ZSCAN26: variants seen among roughly 807,000 people sequenced by gnomAD.
ZSCAN26 encodes the protein zinc finger and SCAN domain containing 26.
ZSCAN26 carries 26 observed loss-of-function variants against 23.0 expected under a neutral mutation model. That is an observed-to-expected ratio of 1.13 (90% confidence interval 0.83 to 1.57). ZSCAN26 has a LOEUF of 1.57. Ranked by LOEUF, ZSCAN26 falls within the 40% of genes most tolerant of loss-of-function variation. ZSCAN26 has a pLI of 0.00. For missense variants in ZSCAN26, 528 were observed against 568.5 expected, an observed-to-expected ratio of 0.93 and a Z score of 0.72; for synonymous variants, 180 against 202.5, an observed-to-expected ratio of 0.89 and a Z score of 0.94.
chr6:28,270,753 T>C (rs1452532850), intron 1 of ZSCAN26, among the ~76,000 whole-genome samples: 1 of 152,244 alleles, frequency 6.6e-6, no homozygotes, highest in East Asian at 1.9e-4. Flanking sequence ...CTCCATTTTC[T>C]CATTTCCTAT....
chr6:28,274,378 C>T (rs2113723938), intron 3 of ZSCAN26, among the ~76,000 whole-genome samples: 1 of 152,258 alleles, frequency 6.6e-6, no homozygotes, highest in South Asian at 2.1e-4. Context: ...AGGGGCCTAC[C>T]TTTTCTCAAT....
chr6:28,268,693 G>T (rs576341624), intron 1 of ZSCAN26, among the ~76,000 whole-genome samples: 1 of 152,216 alleles, frequency 6.6e-6, no homozygotes, highest in African/African-American at 2.4e-5. Flanking sequence ...AGGAAGGAAT[G>T]GTCAGTTTTC....
At chr6:28,275,668 G>A (rs1055978866) in intron 3 of ZSCAN26, among the ~76,000 whole-genome samples, 23 of 152,154 alleles carry the variant, frequency 1.5e-4, no homozygotes, top group African/African-American at 5.1e-4. Context: ...TTATTGTCAA[G>A]GTCTTATAGT....
chr6:28,268,176 G>A (rs1048943390), intron 1 of ZSCAN26, among the ~76,000 whole-genome samples: 2 of 152,046 alleles, frequency 1.3e-5, no homozygotes, highest in African/African-American at 2.4e-5. Context: ...TCTTTATAGG[G>A]TTGTGTGAGG....
intron 3 of ZSCAN26, 91 bp downstream of exon 3, chr6:28,272,878 T>C: frequency 9.2e-7 from 1 of 1,083,094 alleles, no homozygotes; most frequent in Non-Finnish European, 1.3e-6. Context: ...TATTTTGTTT[T>C]TTGCTTTTGT....
Position 28,276,478 on chromosome 6 carries a change from G to C in ZSCAN26, c.822G>C (p.Lys274Asn). 1.2e-6 allele frequency: 2 copies of C among 1,613,996 alleles called. No individual in the cohort carries two copies. The highest frequency in any genetic ancestry group is 1.7e-6 in the Non-Finnish European group (2 of 1,179,868). The change falls in exon 4 of 4, where the codon AAG becomes AAC. Residue 274 changes from lysine to asparagine, a missense_variant. Coordinates refer to ENST00000421553, the MANE Select transcript of ZSCAN26 (RefSeq NM_001023560.4). The stretch of plus-strand genomic sequence containing the variant: ...AGAGTTCCAGTCTTACAGGACATAA[G>C]AAAGTCCTCTCTAGAGAGAAAGGTC... Reference protein sequence around the residue: ...VCQSSSLTGHKKVLSREKGHQ... With the variant: ...VCQSSSLTGHNKVLSREKGHQ...
rs1285898672 is a variant in ZSCAN26 at position 28,278,127 on chromosome 6, A to T, written c.*1031A>T. On this transcript the variant is annotated 3_prime_UTR_variant, in exon 4 of 4. Coordinates refer to ENST00000421553, the MANE Select transcript of ZSCAN26 (RefSeq NM_001023560.4). ...CACCAGAGTGACAACTTCAGCCCTCAGCCTCTGCAATCCATATATATCCTG... is the reference window on the plus strand; with the variant it reads ...CACCAGAGTGACAACTTCAGCCCTCTGCCTCTGCAATCCATATATATCCTG... 2 of 152,244 alleles carry T rather than the reference A, an allele frequency of 1.3e-5. No individual in the cohort carries two copies. The highest frequency in any genetic ancestry group is 4.8e-5 in the African/African-American group (2 of 41,454). The allele number at this position is 152,244 out of a possible 1,614,324, so 9.4% of individuals were successfully genotyped here.
At chr6:28,271,139 C>G (rs960836586) in intron 1 of ZSCAN26, among the ~76,000 whole-genome samples, 1 of 152,146 alleles carries the variant, frequency 6.6e-6, no homozygotes, top group Non-Finnish European at 1.5e-5. Flanking sequence ...AATAGACCTC[C>G]TTGACCTTCT....
chr6:28,277,281 T>A lies in ZSCAN26; in HGVS notation c.*185T>A, dbSNP rs2113731929. 3.3e-6 allele frequency: 2 copies of A among 609,624 alleles called. No individual in the cohort carries two copies. The highest frequency in any genetic ancestry group is 5.6e-5 in the East Asian group (2 of 35,940). 37.8% of individuals were successfully genotyped at this position (609,624 alleles called of 1,614,324 possible). A position where few individuals can be genotyped will look rare whatever the true frequency, so the allele number is the denominator to read the frequency against. On this transcript the variant is annotated 3_prime_UTR_variant, in exon 4 of 4. Transcript: ENST00000421553. ...CAGCTTTGGACCACAATAATTTCAC[T>A]GTAGATGATATGCTAGGATCAAAGT...
Position 28,277,279 on chromosome 6 carries a change from A to G in ZSCAN26, c.*183A>G, listed in dbSNP as rs1761991761. ...GTCAGCTTTGGACCACAATAATTTC[A>G]CTGTAGATGATATGCTAGGATCAAA... On this transcript the variant is annotated 3_prime_UTR_variant, in exon 4 of 4. Coordinates refer to ENST00000421553, the MANE Select transcript of ZSCAN26 (RefSeq NM_001023560.4). 3.3e-6 allele frequency: 2 copies of G among 611,428 alleles called. No individual in the cohort carries two copies. The highest frequency in any genetic ancestry group is 2.0e-5 in the South Asian group (1 of 48,834). 37.9% of individuals were successfully genotyped at this position (611,428 alleles called of 1,614,324 possible). A position where few individuals can be genotyped will look rare whatever the true frequency, so the allele number is the denominator to read the frequency against.
At chr6:28,272,557 C>A in intron 2 of ZSCAN26, 113 bp from the exon 3 acceptor site, 1 of 1,055,232 alleles carries the variant, frequency 9.5e-7, no homozygotes, top group Non-Finnish European at 1.3e-6. Flanking sequence ...TTTTCTTTGC[C>A]CCTCTGGGGT....
chr6:28,277,072 T>C lies in ZSCAN26; in HGVS notation c.1416T>C (p.Tyr472=), dbSNP rs369880461. Residue 472 remains tyrosine (Y), a synonymous_variant, in exon 4 of 4, where the codon TAT becomes TAC. Coordinates refer to ENST00000421553, the MANE Select transcript of ZSCAN26 (RefSeq NM_001023560.4). The part of the protein sequence containing the change: ...QRSGLFQHQR[Y]HHKDKLA Reference sequence around the variant, plus strand: ...CAGGTCTTTTTCAACATCAGAGATATCACCACAAAGACAAACTGGCTTGAT... The same window carrying C: ...CAGGTCTTTTTCAACATCAGAGATACCACCACAAAGACAAACTGGCTTGAT... 49 of 1,613,360 alleles carry C rather than the reference T, an allele frequency of 3.0e-5. 1 individual carries two copies. The East Asian group carries it at 9.6e-4, about 32-fold the overall frequency.
chr6:28,275,835 A>G (rs1019489030), intron 3 of ZSCAN26, among the ~76,000 whole-genome samples: 2 of 152,198 alleles, frequency 1.3e-5, no homozygotes, highest in African/African-American at 4.8e-5. Context: ...GGGGGCCTCA[A>G]TTAACCTAGC....
chr6:28,267,871 TAA>T (rs1761509146), intron 1 of ZSCAN26, among the ~76,000 whole-genome samples: 1 of 152,200 alleles, frequency 6.6e-6, no homozygotes, highest in Non-Finnish European at 1.5e-5. Context: ...CAAGAAAACT[TAA>T]AAGTTAAGAG....
rs1472451396 is a variant in ZSCAN26 at position 28,271,983 on chromosome 6, C to T, written c.64C>T (p.Arg22Trp). Residue 22 changes from arginine (R) to tryptophan (W), a missense_variant, in exon 2 of 4, where the codon CGG (arginine) becomes TGG (tryptophan). By Grantham distance (101) the Arg-to-Trp change is moderately radical. Coordinates refer to ENST00000421553, the MANE Select transcript of ZSCAN26 (RefSeq NM_001023560.4). ...CCTGAATCTGAAGAAGGAGGGGCTT[C>T]GGGTAGTGAGGGAGGATCACTACTC... is the stretch of plus-strand genomic sequence containing the variant. ...APLNLKKEGL[R>W]VVREDHYSTW... 16 of 1,551,528 alleles carry T rather than the reference C, an allele frequency of 1.0e-5. No individual in the cohort carries two copies. The highest frequency in any genetic ancestry group is 3.3e-4 in the Middle Eastern group (2 of 6,014).
chr6:28,274,708 C>G (rs1761865776), intron 3 of ZSCAN26, among the ~76,000 whole-genome samples: 1 of 152,202 alleles, frequency 6.6e-6, no homozygotes, highest in Non-Finnish European at 1.5e-5. Flanking sequence ...CACCACTGTA[C>G]TCCAGCGTTG....
At chr6:28,267,737 C>CT (rs1022981363) in intron 1 of ZSCAN26, among the ~76,000 whole-genome samples, 1 of 152,060 alleles carries the variant, frequency 6.6e-6, no homozygotes, top group African/African-American at 2.4e-5. Flanking sequence ...GGAATTTTGT[C>CT]TTTTTTTGGT....
intron 1 of ZSCAN26, 33 bp downstream of exon 1, chr6:28,267,246 G>A (rs1418951251): frequency 6.6e-6 from 1 of 152,376 alleles, no homozygotes; most frequent in African/African-American, 2.4e-5. Context: ...CCCCGGGCTG[G>A]GGCGGAACTG....
At position 28,271,859 on chromosome 6, in the gene ZSCAN26, T is replaced by G; in HGVS notation, c.-61T>G. 7.1e-7 allele frequency: 1 copy of G among 1,400,730 alleles called. No individual in the cohort carries two copies. 86.8% of individuals were successfully genotyped at this position (1,400,730 alleles called of 1,614,324 possible). On this transcript the variant is annotated 5_prime_UTR_variant, in exon 2 of 4. Coordinates refer to ENST00000421553, the MANE Select transcript of ZSCAN26 (RefSeq NM_001023560.4). ...TCTTGTTACTATAATTTTAGGAGTG[T>G]CTCTGAAGATACAGTCCAAAGAAAG...
Sources: gnomAD v4.1 joint callset for allele counts (sites outside exome capture counted in the v4.1 genomes callset) on GRCh38, gnomAD v4.1.1 for gene constraint, MANE v1.5 for transcripts, NCBI Gene and HGNC (gene_info 2026-07-23, HGNC 2026-07-21) for gene names.